The following SGCD variants were observed in gnomAD, a reference collection of about 807,000 sequenced individuals.
The protein encoded by SGCD is delta-sarcoglycan.
A neutral mutation model predicts 36.6 loss-of-function variants in SGCD; 18 were observed. The observed-to-expected ratio is 0.49, with a 90% confidence interval of 0.34 to 0.73. The LOEUF (loss-of-function observed/expected upper bound fraction) is 0.73. SGCD is among the 30% of genes least tolerant of loss of function. The pLI, the probability that SGCD is intolerant of heterozygous loss-of-function variation, is 0.01. For missense variants in SGCD, 387 were observed against 346.7 expected, an observed-to-expected ratio of 1.12 and a Z score of -0.92; for synonymous variants, 133 against 130.6, an observed-to-expected ratio of 1.02 and a Z score of -0.12.
chr5:156,640,735 A>T (rs1341802005), intron 6 of SGCD, among the ~76,000 whole-genome samples: 1 of 152,202 alleles, frequency 6.6e-6, no homozygotes, highest in African/African-American at 2.4e-5. Flanking sequence ...TTGTTGAATG[A>T]ATTAATTTTA....
At chr5:156,675,075 G>A (rs1195396870) in intron 7 of SGCD, among the ~76,000 whole-genome samples, 2 of 152,154 alleles carry the variant, frequency 1.3e-5, no homozygotes, top group African/African-American at 4.8e-5. Flanking sequence ...ACTTGGTAAA[G>A]ATGAGCAGAA....
chr5:156,160,471 G>A (rs6886990), intron 3 of SGCD, among the ~76,000 whole-genome samples: 38,703 of 151,282 alleles, frequency 0.26, 5,662 homozygotes, highest in East Asian at 0.57. Context: ...CTCAAGATGC[G>A]TCCAGAATCA....
chr5:156,292,927 G>A (rs1766797256), intron 3 of SGCD, among the ~76,000 whole-genome samples: 2 of 152,046 alleles, frequency 1.3e-5, no homozygotes, highest in Admixed American at 6.6e-5. Flanking sequence ...GTGCAAGTCT[G>A]TTGTCTAATT....
rs539546775 is a variant in SGCD, at chr5:156,387,823, T to C, written c.192+43146T>C. ...ATTGCCTTTGACACAAAATAAAATA[T>C]ACAAGACGGTGCAGGACATTAGTTT... On this transcript the variant is annotated intron_variant, in intron 3 of 8. Coordinates refer to ENST00000337851, the MANE Select transcript of SGCD (RefSeq NM_000337.6). 3.9e-5 allele frequency among the ~76,000 whole-genome samples: 6 copies of C among 152,320 alleles called. No individual in the cohort carries two copies. In the East Asian group the frequency reaches 9.6e-4, roughly 24 times the overall value.
At chr5:155,976,942 A>T (rs1222230447) in intron 1 of SGCD, among the ~76,000 whole-genome samples, 1 of 152,092 alleles carries the variant, frequency 6.6e-6, no homozygotes, top group Non-Finnish European at 1.5e-5. Flanking sequence ...ACTCCAGCAG[A>T]TTGATTGAAA....
chr5:156,205,060 G>A (rs1235640548), intron 3 of SGCD, among the ~76,000 whole-genome samples: 1 of 152,050 alleles, frequency 6.6e-6, no homozygotes, highest in African/African-American at 2.4e-5. Flanking sequence ...TTCTATAATA[G>A]CATATAGATT....
Position 156,158,687 on chromosome 5 carries a change from T to C in SGCD, c.-44+34668T>C, listed in dbSNP as rs764453030. 3.2e-4 allele frequency among the ~76,000 whole-genome samples: 49 copies of C among 151,744 alleles called. 1 individual carries two copies. Among genetic ancestry groups the C allele is most frequent in the Middle Eastern group, 6.8e-3 (2 of 294 alleles). ...GCATGATAGAGAAGGCAAGAGTCAA[T>C]GTGGAGGAGCAAATGGAAGATAGTC... On this transcript the variant is annotated intron_variant, in intron 3 of 9. Coordinates refer to the SGCD transcript ENST00000517913.
At chr5:156,576,430 G>T (rs556855558) in intron 4 of SGCD, among the ~76,000 whole-genome samples, 7 of 152,178 alleles carry the variant, frequency 4.6e-5, no homozygotes, top group African/African-American at 1.7e-4. Context: ...AATCCTTTCG[G>T]TATATACCCA....
chr5:155,988,477 C>T (rs994644090), intron 1 of SGCD, among the ~76,000 whole-genome samples: 1 of 152,110 alleles, frequency 6.6e-6, no homozygotes, highest in Non-Finnish European at 1.5e-5. Flanking sequence ...TGATTGAGGA[C>T]AGGTTTTGTT....
intron 3 of SGCD, among the ~76,000 whole-genome samples, chr5:156,449,806 T>G (rs7718439): frequency 0.28 from 38,481 of 139,268 alleles, 5,468 homozygotes; most frequent in African/African-American, 0.37. Flanking sequence ...GAGCCAAGAA[T>G]GCGCCACTGC....
chr5:156,641,755 T>G (rs1200434952), intron 6 of SGCD, among the ~76,000 whole-genome samples: 2 of 152,218 alleles, frequency 1.3e-5, no homozygotes, highest in Non-Finnish European at 2.9e-5. Context: ...TCCTTCAGTC[T>G]GCTTGTCCAG....
At chr5:156,155,986 A>T (rs1762952564) in intron 3 of SGCD, among the ~76,000 whole-genome samples, 1 of 151,634 alleles carries the variant, frequency 6.6e-6, no homozygotes. Flanking sequence ...GCTATCAAAA[A>T]ATCAATTGAC....
intron 1 of SGCD, among the ~76,000 whole-genome samples, chr5:155,873,962 GCC>G (rs1284226923): frequency 1.3e-5 from 2 of 151,846 alleles, no homozygotes; most frequent in African/African-American, 4.8e-5. Flanking sequence ...TTTTTATATA[GCC>G]CTGACACACT....
intron 3 of SGCD, among the ~76,000 whole-genome samples, chr5:156,185,025 C>A (rs981258931): frequency 1.3e-5 from 2 of 152,104 alleles, no homozygotes; most frequent in African/African-American, 2.4e-5. Flanking sequence ...ATTCAAGGAA[C>A]AATGATTCCT....
intron 7 of SGCD, among the ~76,000 whole-genome samples, chr5:156,703,381 TC>T (rs199745889): frequency 0.026 from 3,890 of 151,548 alleles, 158 homozygotes; most frequent in East Asian, 0.16. Context: ...TTTATTTATT[TC>T]TTTTTTTTTT....
At chr5:156,508,948 T>A (rs1756822562) in intron 4 of SGCD, among the ~76,000 whole-genome samples, 1 of 152,184 alleles carries the variant, frequency 6.6e-6, no homozygotes, top group African/African-American at 2.4e-5. Flanking sequence ...TTATAGATTG[T>A]GCCACAAATA....
At chr5:156,425,160 C>G (rs1013503129) in intron 3 of SGCD, among the ~76,000 whole-genome samples, 2 of 152,052 alleles carry the variant, frequency 1.3e-5, no homozygotes, top group Non-Finnish European at 2.9e-5. Flanking sequence ...TAACTCTTTT[C>G]TTGCCCATTT....
At chr5:156,602,681 T>C (rs1037471075) in intron 6 of SGCD, among the ~76,000 whole-genome samples, 3 of 152,214 alleles carry the variant, frequency 2.0e-5, no homozygotes, top group Admixed American at 2.0e-4. Flanking sequence ...ATGCTTCTTC[T>C]GAATGTATTA....
chr5:156,121,207 G>A (rs1232614272), intron 2 of SGCD, among the ~76,000 whole-genome samples: 1 of 152,132 alleles, frequency 6.6e-6, no homozygotes, highest in African/African-American at 2.4e-5. Flanking sequence ...TTTATGAAAT[G>A]TCATGCAGAA....
Sources: allele counts gnomAD v4.1 joint callset (sites outside exome capture counted in the v4.1 genomes callset), GRCh38; gene constraint gnomAD v4.1.1; transcripts MANE v1.5; gene names NCBI Gene and HGNC (gene_info 2026-07-23, HGNC 2026-07-21).